The following CELF2 variants were observed in gnomAD, a reference collection of about 807,000 sequenced individuals.
CELF2 encodes CUGBP Elav-like family member 2.
Under a neutral mutation model 62.6 loss-of-function variants are expected in CELF2, and 8 were observed. That is an observed-to-expected ratio of 0.13 (90% CI 0.07 to 0.23). The LOEUF (loss-of-function observed/expected upper bound fraction) is 0.23, where lower values mean the gene tolerates loss of function less well. Ranked by LOEUF, CELF2 falls within the 10% of genes least tolerant of loss-of-function variation. The pLI, the probability that CELF2 is intolerant of heterozygous loss-of-function variation, is 1.00. For synonymous variants in CELF2, 258 were observed against 250.0 expected (o/e 1.03, Z -0.30); for missense variants, 333 against 671.0 (o/e 0.50, Z 5.56).
intron 2 of CELF2, among the ~76,000 whole-genome samples, chr10:10,943,439 C>T (rs2135505624): frequency 6.6e-6 from 1 of 152,310 alleles, no homozygotes; most frequent in South Asian, 2.1e-4. Context: ...GTGCATATTT[C>T]TTACAAGGAT....
At chr10:10,492,636 A>G in the CELF2 span, among the ~76,000 whole-genome samples, 6 of 152,220 alleles carry the variant, frequency 3.9e-5, no homozygotes, top group Non-Finnish European at 7.3e-5. Flanking sequence ...TTACAGCAGC[A>G]TTATTCACAA....
chr10:10,970,032 G>T (rs969571266), intron 2 of CELF2, among the ~76,000 whole-genome samples: 2 of 152,102 alleles, frequency 1.3e-5, no homozygotes, highest in South Asian at 2.1e-4. Context: ...GACATCTTTA[G>T]AACTGGGTAA....
At chr10:10,533,186 A>G in the CELF2 span, among the ~76,000 whole-genome samples, 1 of 152,220 alleles carries the variant, frequency 6.6e-6, no homozygotes, top group East Asian at 1.9e-4. Flanking sequence ...AGTATGATTT[A>G]CAGTATGGGC....
chr10:11,042,001 C>T (rs1408089488), intron 1 of CELF2, among the ~76,000 whole-genome samples: 1 of 152,126 alleles, frequency 6.6e-6, no homozygotes, highest in Non-Finnish European at 1.5e-5. Context: ...ATTATGGGTA[C>T]ATAGTTAGCC....
At chr10:11,238,952 C>T (rs916701816) in intron 3 of CELF2, among the ~76,000 whole-genome samples, 14 of 152,056 alleles carry the variant, frequency 9.2e-5, no homozygotes, top group African/African-American at 3.1e-4. Flanking sequence ...TCACAGCTAA[C>T]GAGTGTGATA....
intron 2 of CELF2, among the ~76,000 whole-genome samples, chr10:10,961,731 A>G (rs1379833798): frequency 1.3e-5 from 2 of 151,878 alleles, no homozygotes; most frequent in African/African-American, 4.8e-5. Context: ...ACCCTGAGCA[A>G]CAGAGCAAGA....
the CELF2 span, among the ~76,000 whole-genome samples, chr10:10,648,967 G>C: frequency 6.6e-6 from 1 of 152,180 alleles, no homozygotes; most frequent in South Asian, 2.1e-4. Flanking sequence ...CCACTGCATT[G>C]AAATGTTATG....
At chr10:10,651,933 G>A in the CELF2 span, among the ~76,000 whole-genome samples, 1 of 151,162 alleles carries the variant, frequency 6.6e-6, no homozygotes, top group African/African-American at 2.4e-5. Context: ...TGAGCTACGG[G>A]AGGACATTCA....
intron 1 of CELF2, among the ~76,000 whole-genome samples, chr10:11,088,664 G>C (rs2047468853): frequency 6.6e-6 from 1 of 152,216 alleles, no homozygotes; most frequent in South Asian, 2.1e-4. Flanking sequence ...GTTTTGTTGG[G>C]TGTGGTGGGT....
chr10:11,105,097 C>A (rs2053027880), intron 1 of CELF2, among the ~76,000 whole-genome samples: 1 of 152,200 alleles, frequency 6.6e-6, no homozygotes, highest in Non-Finnish European at 1.5e-5. Context: ...TCAAAACATA[C>A]CGGTTGGGTT....
rs2079266727 is a variant in CELF2 at position 11,257,777 on chromosome 10, A to T, written c.443A>T (p.Lys148Met). ...AAATTGTTCATAGGAATGGTATCGA[A>T]GAAATGTAATGAGAACGACATCAGG... ...DRKLFIGMVS[K>M]KCNENDIRVM... Residue 148 changes from lysine (K) to methionine (M), a missense_variant, in exon 5 of 13, where the codon AAG becomes ATG. By Grantham distance (95) the Lys-to-Met change is moderately conservative (BLOSUM62 -1). Coordinates refer to ENST00000633077, the MANE Select transcript of CELF2 (RefSeq NM_001326342.2). 1 of 1,614,030 alleles carries T rather than the reference A, an allele frequency of 6.2e-7. No homozygotes were observed. The highest frequency in any genetic ancestry group is 1.1e-5 in the South Asian group (1 of 91,086).
chr10:11,279,286 A>G (rs1590454661), intron 8 of CELF2, among the ~76,000 whole-genome samples: 1 of 152,350 alleles, frequency 6.6e-6, no homozygotes, highest in South Asian at 2.1e-4. Flanking sequence ...GAAGGTAACA[A>G]TAACATTATG....
chr10:10,504,566 C>T, the CELF2 span, among the ~76,000 whole-genome samples: 12 of 152,072 alleles, frequency 7.9e-5, no homozygotes, highest in African/African-American at 2.7e-4. Context: ...AGGTTTATGT[C>T]TCTTAATAGA....
At chr10:10,923,822 A>T (rs1201689473) in intron 2 of CELF2, 1 of 152,260 alleles carries the variant, frequency 6.6e-6, no homozygotes, top group Non-Finnish European at 1.5e-5. Context: ...GGATGTATGG[A>T]ACCATTTTTT....
the CELF2 span, among the ~76,000 whole-genome samples, chr10:10,792,047 GAGGAAGGAAGGAAGGAGGGAGGA>G: frequency 6.9e-6 from 1 of 145,476 alleles, no homozygotes; most frequent in African/African-American, 2.6e-5. Flanking sequence ...GGGAGAGAGG[GAGGAAGGAAGGAAGGAGGGAGGA>G]AGGAGGAAAG....
upstream of CELF2, among the ~76,000 whole-genome samples, chr10:11,013,119 C>G (rs1690094521): frequency 6.6e-6 from 1 of 152,148 alleles, no homozygotes; most frequent in Non-Finnish European, 1.5e-5. This position sits in a 1 kb window ranked among gnomAD's most constrained non-coding sequence, Gnocchi z 4.1. Context: ...CAAGGCAAGT[C>G]AAACATGATT....
In CELF2 at chr10:11,260,426, G is replaced by T. The variant is rs944968988; in HGVS notation, c.538+2554G>T. On this transcript the variant is annotated intron_variant, in intron 5 of 12. Coordinates refer to ENST00000633077, the MANE Select transcript of CELF2 (RefSeq NM_001326342.2). The surrounding 1 kb of genome is among the most constrained non-coding windows in gnomAD (Gnocchi z 4.2). ...CCTTGAGCATACATCAGTTATTTCT[G>T]CAGATCAGGTTTTAAAGCAGCCAGA... Among the ~76,000 whole-genome samples the T allele has an allele frequency of 4.6e-5, 7 of 152,216 alleles. No individual in the cohort carries two copies. The highest frequency in any genetic ancestry group is 1.3e-4 in the Admixed American group (2 of 15,284).
intron 1 of CELF2, among the ~76,000 whole-genome samples, chr10:11,146,488 G>C (rs2062305347): frequency 6.6e-6 from 1 of 152,160 alleles, no homozygotes; most frequent in African/African-American, 2.4e-5. Flanking sequence ...CAAGCAATTT[G>C]TTTTCCCTTT....
chr10:10,984,598 G>C (rs554839982), intron 2 of CELF2, among the ~76,000 whole-genome samples: 1 of 152,108 alleles, frequency 6.6e-6, no homozygotes, highest in Admixed American at 6.5e-5. Flanking sequence ...GTACTCAAGC[G>C]GTCTTCAGGT....
Sources: gnomAD v4.1 joint callset for allele counts (sites outside exome capture counted in the v4.1 genomes callset) on GRCh38, gnomAD v4.1.1 for gene constraint, Gnocchi (gnomAD v3.1) non-coding constraint, MANE v1.5 for transcripts, NCBI Gene and HGNC (gene_info 2026-07-23, HGNC 2026-07-21) for gene names.